The following TSC22D1 variants were observed in gnomAD, a reference collection of about 807,000 sequenced individuals.
The protein encoded by TSC22D1 is TSC22 domain family protein 1.
In TSC22D1, 9 loss-of-function variants were observed where a neutral mutation model predicts 74.2. That is an observed-to-expected ratio of 0.12 (90% CI 0.07 to 0.21). The LOEUF (loss-of-function observed/expected upper bound fraction) is 0.21. TSC22D1 is among the 10% of genes least tolerant of loss of function. The pLI is 1.00. For synonymous variants in TSC22D1, 586 were observed against 492.5 expected (o/e 1.19, Z -2.51); for missense variants, 1,427 against 1,304.7 (o/e 1.09, Z -1.44).
intron 1 of TSC22D1, among the ~76,000 whole-genome samples, chr13:44,547,185 A>C (rs1203286070): frequency 2.6e-5 from 4 of 152,196 alleles, no homozygotes; most frequent in Non-Finnish European, 4.4e-5. Context: ...ATCCACTGAG[A>C]AATTAAGAAA....
At position 44,509,376 on chromosome 13, in the gene TSC22D1, C is replaced by T. The variant is rs201152724; in HGVS notation, c.2912+63787G>A. ...GTATAAGGCAGGGCGTGGTGGCTCA[C>T]GCCTGTAATCCCAGCACTTTGGGAG... On this transcript the variant is annotated intron_variant, in intron 1 of 2. Coordinates refer to ENST00000458659, the MANE Select transcript of TSC22D1 (RefSeq NM_183422.4). Among the ~76,000 whole-genome samples the T allele has an allele frequency of 5.3e-5, 8 of 152,314 alleles. No individual in the cohort carries two copies. The South Asian group carries it at 8.3e-4, about 16-fold the overall frequency.
chr13:44,477,939 CCTG>C (rs1379829651), intron 1 of TSC22D1, among the ~76,000 whole-genome samples: 2 of 152,100 alleles, frequency 1.3e-5, no homozygotes, highest in Non-Finnish European at 2.9e-5. Flanking sequence ...CTGCGCCCAG[CCTG>C]CTAATAGATT....
chr13:44,577,325 T>C (rs1010795541), upstream of TSC22D1: 2 of 151,968 alleles, frequency 1.3e-5, no homozygotes, highest in Non-Finnish European at 2.9e-5. Context: ...TCTCGCGGCA[T>C]CGGGAGGGGA....
At chr13:44,474,997 G>A (rs979330280) in intron 1 of TSC22D1, among the ~76,000 whole-genome samples, 3 of 151,846 alleles carry the variant, frequency 2.0e-5, no homozygotes, top group Admixed American at 6.6e-5. Flanking sequence ...GGGAAGGGGC[G>A]GGAAACAAAA....
chr13:44,503,127 G>C (rs1304523097), intron 1 of TSC22D1, among the ~76,000 whole-genome samples: 1 of 152,098 alleles, frequency 6.6e-6, no homozygotes, highest in Non-Finnish European at 1.5e-5. Context: ...TCAGTTGTTA[G>C]AGACATGCTA....
intron 1 of TSC22D1, among the ~76,000 whole-genome samples, chr13:44,476,720 A>G (rs1351824741): frequency 2.6e-5 from 4 of 152,182 alleles, no homozygotes; most frequent in African/African-American, 9.7e-5. Flanking sequence ...TGTGTCACTC[A>G]GGCTGGAGTG....
intron 1 of TSC22D1, among the ~76,000 whole-genome samples, chr13:44,485,499 C>T (rs1229532919): frequency 2.0e-5 from 3 of 151,976 alleles, no homozygotes; most frequent in Admixed American, 6.6e-5. Flanking sequence ...CTCTAGATTA[C>T]CTTTCTAATT....
intron 1 of TSC22D1, among the ~76,000 whole-genome samples, chr13:44,487,200 T>TA (rs1003134570): frequency 2.6e-5 from 4 of 151,814 alleles, no homozygotes; most frequent in South Asian, 2.1e-4. Flanking sequence ...AAAGCATAGT[T>TA]AAAAAAAGAA....
chr13:44,509,625 G>A (rs1879596122), intron 1 of TSC22D1, among the ~76,000 whole-genome samples: 1 of 152,156 alleles, frequency 6.6e-6, no homozygotes. Flanking sequence ...GGGCGACAGA[G>A]CGAGACTCCA....
rs80012276 is a variant in TSC22D1, at chr13:44,491,875, G to A, written c.2913-55780C>T. On this transcript the variant is annotated intron_variant, in intron 1 of 2. Coordinates refer to ENST00000458659, the MANE Select transcript of TSC22D1 (RefSeq NM_183422.4). The stretch of plus-strand genomic sequence containing the variant: ...GAACAATCATTGTAGAAAACAATGC[G>A]ATATCATCTTGTAAAGCTGAACATG... 7.1e-3 allele frequency among the ~76,000 whole-genome samples: 1,087 copies of A among 152,278 alleles called. 15 individuals are homozygous for A. The highest frequency in any genetic ancestry group is 0.024 in the African/African-American group (1,008 of 41,554).
chr13:44,470,854 G>T, intron 1 of TSC22D1, among the ~76,000 whole-genome samples: 1 of 152,084 alleles, frequency 6.6e-6, no homozygotes, highest in East Asian at 1.9e-4. Context: ...TAAGAGTCAC[G>T]GTCCAGAGTC....
rs1297256883 is a variant in TSC22D1, at chr13:44,479,436, C to T, written c.2913-43341G>A. On this transcript the variant is annotated intron_variant, in intron 1 of 2. Coordinates refer to ENST00000458659, the MANE Select transcript of TSC22D1 (RefSeq NM_183422.4). ...CCCAGGGAAACCAAAAGATTGGACA[C>T]CCCTACTCTAAACAGTTCAAAAAGC... 2.6e-5 allele frequency among the ~76,000 whole-genome samples: 4 copies of T among 151,792 alleles called. No individual in the cohort carries two copies. The East Asian group carries it at 7.7e-4, about 29-fold the overall frequency.
In TSC22D1 at chr13:44,575,033, C is replaced by T. The variant is rs1219047828; in HGVS notation, c.1042G>A (p.Gly348Ser). 1 of 1,614,162 alleles carries T rather than the reference C, an allele frequency of 6.2e-7. No homozygotes were observed. The highest frequency in any genetic ancestry group is 8.5e-7 in the Non-Finnish European group (1 of 1,180,032). The stretch of plus-strand genomic sequence containing the variant: ...GTAACTCCAGGCCCAACACTCACAC[C>T]AGCAGCACTAGGAATATTGCTTGTA... ...ISTSNIPSAA[G>S]VSVGPGVTSG... Residue 348 changes from glycine to serine, a missense_variant, in exon 1 of 3, where the codon GGT becomes AGT. Gly to Ser is a moderately conservative substitution (Grantham distance 56). Around this residue, in one of 3 missense-constraint regions of TSC22D1, gnomAD observed 1,343 missense variants for 1,191.5 expected, o/e 1.13. Coordinates refer to ENST00000458659, the MANE Select transcript of TSC22D1 (RefSeq NM_183422.4).
chr13:44,536,717 AT>A lies in TSC22D1; in HGVS notation c.2912+36445del, dbSNP rs1236776496. 6 of 980,496 alleles carry A rather than the reference AT, an allele frequency of 6.1e-6. No individual in the cohort carries two copies. In the African/African-American group the frequency reaches 8.7e-5, roughly 14 times the overall value. 60.7% of individuals were successfully genotyped at this position (980,496 alleles called of 1,614,324 possible). A position where few individuals can be genotyped will look rare whatever the true frequency, so the allele number is the denominator to read the frequency against. ...AAGACTTGGTCAAATTACTCTTGATATTTACAGTATTAACTCAAGAGAGTTT... is the reference window on the plus strand; with the variant it reads ...AAGACTTGGTCAAATTACTCTTGATATTACAGTATTAACTCAAGAGAGTTT... On this transcript the variant is annotated intron_variant, in intron 1 of 2. Coordinates refer to ENST00000458659, the MANE Select transcript of TSC22D1 (RefSeq NM_183422.4).
intron 1 of TSC22D1, among the ~76,000 whole-genome samples, chr13:44,511,619 TACACACACACACACACAC>T (rs66743224): frequency 6.8e-6 from 1 of 148,072 alleles, no homozygotes; most frequent in African/African-American, 2.5e-5. Flanking sequence ...TAAAAAGAAA[TACACACACACACACACAC>T]ACACACACAC....
chr13:44,456,045 A>C (rs1162942413), intron 1 of TSC22D1, among the ~76,000 whole-genome samples: 1 of 152,172 alleles, frequency 6.6e-6, no homozygotes, highest in African/African-American at 2.4e-5. Context: ...AATCTTACTC[A>C]ACTGAATAAC....
chr13:44,506,022 G>A (rs780147561), intron 1 of TSC22D1, among the ~76,000 whole-genome samples: 7 of 152,186 alleles, frequency 4.6e-5, no homozygotes, highest in African/African-American at 7.2e-5. Context: ...GCAAGGTGGG[G>A]AATAATAAGA....
At chr13:44,520,999 G>A (rs1356354137) in intron 1 of TSC22D1, among the ~76,000 whole-genome samples, 2 of 152,150 alleles carry the variant, frequency 1.3e-5, no homozygotes, top group East Asian at 3.9e-4. Flanking sequence ...CTTTGCAGAT[G>A]AGGAAACTGA....
At chr13:44,495,378 C>T (rs1878925992) in intron 1 of TSC22D1, among the ~76,000 whole-genome samples, 1 of 151,328 alleles carries the variant, frequency 6.6e-6, no homozygotes, top group East Asian at 1.9e-4. Flanking sequence ...TTAAGACATT[C>T]TCCCTAGTAG....
Sources: gnomAD v4.1 joint callset for allele counts (sites outside exome capture counted in the v4.1 genomes callset) on GRCh38, gnomAD v4.1.1 for gene constraint, gnomAD v4.1.1 regional missense constraint, MANE v1.5 for transcripts, NCBI Gene and HGNC (gene_info 2026-07-23, HGNC 2026-07-21) for gene names.